Variants in RICTOR observed in about 807,000 individuals in gnomAD.
RICTOR encodes rapamycin-insensitive companion of mTOR.
RICTOR carries 49 observed loss-of-function variants against 214.9 expected under a neutral mutation model. The observed-to-expected ratio is 0.23, with a 90% CI of 0.18 to 0.29. The LOEUF (loss-of-function observed/expected upper bound fraction) is 0.29. Among genes scored for constraint, RICTOR ranks in the 10% least tolerant of loss-of-function variants. The pLI, the probability that RICTOR is intolerant of heterozygous loss-of-function variation, is 1.00. For missense variants in RICTOR, 1,625 were observed against 2,047.0 expected (o/e 0.79, Z 3.98); for synonymous variants, 717 against 711.3 (o/e 1.01, Z -0.13).
At chr5:39,058,491 TC>T (rs1758333756) in intron 2 of RICTOR, among the ~76,000 whole-genome samples, 2 of 152,210 alleles carry the variant, frequency 1.3e-5, no homozygotes, top group Admixed American at 6.5e-5. Flanking sequence ...CTTTATGACT[TC>T]CGTCTATGTA....
intron 2 of RICTOR, among the ~76,000 whole-genome samples, chr5:39,035,041 C>T (rs1239756945): frequency 6.6e-6 from 1 of 152,210 alleles, no homozygotes; most frequent in African/African-American, 2.4e-5. Context: ...TGACCCCTGA[C>T]CCCTGAGCAG....
At chr5:39,058,652 C>G (rs1369162689) in intron 2 of RICTOR, among the ~76,000 whole-genome samples, 1 of 152,102 alleles carries the variant, frequency 6.6e-6, no homozygotes, top group Non-Finnish European at 1.5e-5. Flanking sequence ...TGCACAATTA[C>G]AACTGCATGT....
chr5:38,967,200 T>C lies in RICTOR; in HGVS notation c.1179A>G (p.Ala393=). The C allele has an allele frequency of 6.2e-7, 1 of 1,612,756 alleles. No homozygotes were observed. Among genetic ancestry groups the C allele is most frequent in the Non-Finnish European group, 8.5e-7 (1 of 1,178,748 alleles). ...TACGAATAAATGCAGAGAGTATCAGTGCCAAATAATTATCCATGAGGTCTG... is the reference window on the plus strand; with the variant it reads ...TACGAATAAATGCAGAGAGTATCAGCGCCAAATAATTATCCATGAGGTCTG... ...SRPDLMDNYL[A]LILSAFIRNG... The change falls in exon 14 of 38, where the codon GCA becomes GCG. Residue 393 remains alanine (A), a synonymous_variant. Transcript: ENST00000357387.
chr5:39,072,686 G>C (rs1291128155), intron 2 of RICTOR, among the ~76,000 whole-genome samples: 1 of 152,128 alleles, frequency 6.6e-6, no homozygotes, highest in Admixed American at 6.5e-5. Context: ...TTTCCAAACA[G>C]TTGCACAGAA....
chr5:38,988,640 CCTT>C (rs1752351322), intron 7 of RICTOR, among the ~76,000 whole-genome samples: 1 of 152,104 alleles, frequency 6.6e-6, no homozygotes, highest in African/African-American at 2.4e-5. Context: ...TGCAAAATCT[CCTT>C]AAGCTGATAA....
chr5:38,987,481 T>G lies in RICTOR; in HGVS notation c.583+3468A>C, dbSNP rs184004902. 5.4e-3 allele frequency among the ~76,000 whole-genome samples: 828 copies of G among 152,314 alleles called. 9 individuals are homozygous for G. Among genetic ancestry groups the G allele is most frequent in the African/African-American group, 0.019 (787 of 41,566 alleles). ...AGGAATTTATCCATTTATTCGAGAT[T>G]TTCTAGTTTATTTGCGTAGAGGTGT... On this transcript the variant is annotated intron_variant, in intron 7 of 37. Coordinates refer to ENST00000357387, the MANE Select transcript of RICTOR (RefSeq NM_152756.5).
At chr5:38,990,801 T>TATATG (rs1554068193) in intron 7 of RICTOR, 148 bp downstream of exon 7, 4,028 of 80,846 alleles carry the variant, frequency 0.05, 440 homozygotes, top group African/African-American at 0.079. Context: ...AGATATATGA[T>TATATG]ATATATGAGA....
At chr5:38,984,354 T>C (rs1054046727) in intron 7 of RICTOR, among the ~76,000 whole-genome samples, 4 of 152,230 alleles carry the variant, frequency 2.6e-5, no homozygotes, top group Admixed American at 1.3e-4. Flanking sequence ...TGTTCAATAA[T>C]TAAGACTTTT....
At chr5:39,002,400 G>T in intron 5 of RICTOR, 135 bp downstream of exon 5, 1 of 364,786 alleles carries the variant, frequency 2.7e-6, no homozygotes, top group Admixed American at 5.0e-5. Context: ...GTGTGTGTGT[G>T]TATATATATA....
At chr5:38,944,273 A>G (rs759576907) in intron 36 of RICTOR, 173 bp downstream of exon 36, 1 of 690,694 alleles carries the variant, frequency 1.4e-6, no homozygotes, top group Non-Finnish European at 2.6e-6. Context: ...ATCTGTTGCC[A>G]TATGTTGTTT....
chr5:38,990,593 A>G (rs1580015437), intron 7 of RICTOR, among the ~76,000 whole-genome samples: 2 of 126,270 alleles, frequency 1.6e-5, no homozygotes, highest in Non-Finnish European at 3.3e-5. Flanking sequence ...TACATGATAT[A>G]TACGATATAT....
rs765423315 is a variant in RICTOR at position 38,966,627 on chromosome 5, G to A, written c.1299+14C>T. 2 of 1,274,138 alleles carry A rather than the reference G, an allele frequency of 1.6e-6. No homozygotes were observed. Among genetic ancestry groups the A allele is most frequent in the Non-Finnish European group, 2.3e-6 (2 of 882,028 alleles). The allele number at this position is 1,274,138 out of a possible 1,614,324, so 78.9% of individuals were successfully genotyped here. On this transcript the variant is annotated intron_variant, in intron 15 of 37. Transcript: ENST00000357387. ...AAAGGTATGAAACATATAATCAGAA[G>A]TTGCTAAACTTACCATATGTAAAAG... is the stretch of plus-strand genomic sequence containing the variant.
intron 2 of RICTOR, among the ~76,000 whole-genome samples, chr5:39,052,733 A>C (rs1197118493): frequency 1.3e-5 from 2 of 152,224 alleles, no homozygotes; most frequent in African/African-American, 4.8e-5. Flanking sequence ...AAGTACATTG[A>C]CAATGGAATC....
At chr5:39,070,391 C>T (rs1759224755) in intron 2 of RICTOR, among the ~76,000 whole-genome samples, 1 of 152,034 alleles carries the variant, frequency 6.6e-6, no homozygotes, top group South Asian at 2.1e-4. Context: ...ATGGCGTGAA[C>T]CCGGGAAGCG....
chr5:39,046,374 A>G (rs886877690), intron 2 of RICTOR, among the ~76,000 whole-genome samples: 5 of 150,232 alleles, frequency 3.3e-5, no homozygotes, highest in African/African-American at 1.2e-4. Flanking sequence ...TAAAAACAAA[A>G]TTAAAAAAAA....
At chr5:38,963,147 T>C (rs939276824) in intron 16 of RICTOR, 106 bp from the exon 17 acceptor site, 2 of 707,570 alleles carry the variant, frequency 2.8e-6, no homozygotes, top group African/African-American at 3.6e-5. Flanking sequence ...CTAGAAATTA[T>C]TATTGATAAA....
At chr5:39,007,463 T>C (rs1159630398) in intron 3 of RICTOR, among the ~76,000 whole-genome samples, 1 of 152,164 alleles carries the variant, frequency 6.6e-6, no homozygotes, top group Admixed American at 6.5e-5. Context: ...AGTCACATTC[T>C]GAGGTATTGG....
chr5:39,011,047 T>A (rs1754473047), intron 3 of RICTOR, among the ~76,000 whole-genome samples: 2 of 152,186 alleles, frequency 1.3e-5, no homozygotes, highest in Admixed American at 1.3e-4. Context: ...CCAAGGCATG[T>A]CAGAGATCTT....
intron 7 of RICTOR, among the ~76,000 whole-genome samples, chr5:38,986,052 AG>A (rs1320725656): frequency 6.6e-6 from 1 of 152,130 alleles, no homozygotes; most frequent in Admixed American, 6.5e-5. Flanking sequence ...ACCCACATCA[AG>A]AATGATTTGG....
Sources: gnomAD v4.1 joint callset for allele counts (sites outside exome capture counted in the v4.1 genomes callset) on GRCh38, gnomAD v4.1.1 for gene constraint, MANE v1.5 for transcripts, NCBI Gene and HGNC (gene_info 2026-07-23, HGNC 2026-07-21) for gene names.